Variants in SLC5A3 observed in about 807,000 individuals in gnomAD.
SLC5A3 encodes solute carrier family 5 member 3, also known as sodium/myo-inositol cotransporter.
In SLC5A3, 10 loss-of-function variants were observed where a neutral mutation model predicts 43.2. The ratio of observed to expected loss-of-function variants is 0.23; its 90% CI spans 0.14 to 0.39. The LOEUF (loss-of-function observed/expected upper bound fraction) is 0.39, where lower values mean the gene tolerates loss of function less well. SLC5A3 is among the 10% of genes least tolerant of loss of function. The pLI is 1.00. For missense variants in SLC5A3, 608 were observed against 893.4 expected (o/e 0.68, Z 4.07); for synonymous variants, 349 against 322.0 (o/e 1.08, Z -0.90).
rs1311493995 is a variant in SLC5A3 at position 34,104,401 on chromosome 21, A to AGAAT, written c.*7056_*7059dup. ...TCACCTCCGAGTAGCTTGTTTATCAAGAATGAATGAATGTCTTTGTCTTAA... is the reference window on the plus strand; with the variant it reads ...TCACCTCCGAGTAGCTTGTTTATCAAGAATGAATGAATGAATGTCTTTGTCTTAA... On this transcript the variant is annotated 3_prime_UTR_variant, in exon 2 of 2. Transcript: ENST00000381151. 7.0e-6 allele frequency: 7 copies of AGAAT among 1,000,104 alleles called. No individual in the cohort carries two copies. The highest frequency in any genetic ancestry group is 1.2e-4 in the Admixed American group (2 of 16,248). The allele number at this position is 1,000,104 out of a possible 1,614,324, so 62.0% of individuals were successfully genotyped here.
chr21:34,102,876 T>C lies in SLC5A3; in HGVS notation c.*5521T>C, dbSNP rs1021851681. The C allele has an allele frequency of 3.0e-6, 3 of 999,758 alleles. No homozygotes were observed. Among genetic ancestry groups the C allele is most frequent in the African/African-American group, 3.5e-5 (2 of 57,232 alleles). The allele number at this position is 999,758 out of a possible 1,614,324, so 61.9% of individuals were successfully genotyped here. A position where few individuals can be genotyped will look rare whatever the true frequency, so the allele number is the denominator to read the frequency against. ...GCTCTATCAATAAGAGGAATACATA[T>C]TACAGTGAATTCGACAACCGCACAA... is the stretch of plus-strand genomic sequence containing the variant. On this transcript the variant is annotated 3_prime_UTR_variant, in exon 2 of 2. Coordinates refer to ENST00000381151, the MANE Select transcript of SLC5A3 (RefSeq NM_006933.7).
Position 34,098,901 on chromosome 21 carries a change from CTG to C in SLC5A3, c.*1547_*1548del. The C allele has an allele frequency of 2.0e-6, 2 of 997,044 alleles. No individual in the cohort carries two copies. The highest frequency in any genetic ancestry group is 2.4e-6 in the Non-Finnish European group (2 of 827,060). The allele number at this position is 997,044 out of a possible 1,614,324, so 61.8% of individuals were successfully genotyped here. A position where few individuals can be genotyped will look rare whatever the true frequency, so the allele number is the denominator to read the frequency against. On this transcript the variant is annotated 3_prime_UTR_variant, in exon 2 of 2. Transcript: ENST00000381151. ...TACTTTCTTTGACCTTCTTTAATCT[CTG>C]ATACTTTTTAGATTGCATGATTTTA...
At chr21:34,082,349 G>A (rs574118855) in intron 1 of SLC5A3, among the ~76,000 whole-genome samples, 8 of 152,210 alleles carry the variant, frequency 5.3e-5, no homozygotes, top group African/African-American at 1.9e-4. Context: ...TATACATGTA[G>A]GCTTCAGAGC....
chr21:34,097,275 C>A lies in SLC5A3; in HGVS notation c.2077C>A (p.Gln693Lys), dbSNP rs369745240. The change falls in exon 2 of 2, where the codon CAA becomes AAA. Residue 693 changes from glutamine (Q) to lysine (K), a missense_variant. By Grantham distance (53) the Gln-to-Lys change is moderately conservative. Coordinates refer to ENST00000381151, the MANE Select transcript of SLC5A3 (RefSeq NM_006933.7). ...TTTACAGATGCTAGAAGAGACTCGG[C>A]AAGTTAAAGTAATACTAAATATTGG... ...VCLQMLEETR[Q>K]VKVILNIGLF... 9 of 1,613,674 alleles carry A rather than the reference C, an allele frequency of 5.6e-6. No individual in the cohort carries two copies. Among genetic ancestry groups the A allele is most frequent in the Non-Finnish European group, 7.6e-6 (9 of 1,179,846 alleles).
chr21:34,088,621 A>C (rs1978518968), intron 1 of SLC5A3, among the ~76,000 whole-genome samples: 1 of 152,192 alleles, frequency 6.6e-6, no homozygotes, highest in African/African-American at 2.4e-5. Flanking sequence ...TGTCCTTTTC[A>C]CTGAAGGTAG....
chr21:34,103,315 T>G lies in SLC5A3; in HGVS notation c.*5960T>G. On this transcript the variant is annotated 3_prime_UTR_variant, in exon 2 of 2. Coordinates refer to ENST00000381151, the MANE Select transcript of SLC5A3 (RefSeq NM_006933.7). The stretch of plus-strand genomic sequence containing the variant: ...ATTTTGTCGTAACTAGTGAAGGAAG[T>G]AAAAAAAAAAAAAAAACATGCATTA... 3 of 911,356 alleles carry G rather than the reference T, an allele frequency of 3.3e-6. No individual in the cohort carries two copies. 56.5% of individuals were successfully genotyped at this position (911,356 alleles called of 1,614,324 possible).
chr21:34,103,042 A>G lies in SLC5A3; in HGVS notation c.*5687A>G. 1.0e-6 allele frequency: 1 copy of G among 999,992 alleles called. No homozygotes were observed. Among genetic ancestry groups the G allele is most frequent in the Non-Finnish European group, 1.2e-6 (1 of 829,790 alleles). 61.9% of individuals were successfully genotyped at this position (999,992 alleles called of 1,614,324 possible). A position where few individuals can be genotyped will look rare whatever the true frequency, so the allele number is the denominator to read the frequency against. On this transcript the variant is annotated 3_prime_UTR_variant, in exon 2 of 2. Coordinates refer to ENST00000381151, the MANE Select transcript of SLC5A3 (RefSeq NM_006933.7). ...AGTTTTCAATTTATCAACATAGCCTAGACTTCTGTAAGTGGAATGTTCATT... is the reference window on the plus strand; with the variant it reads ...AGTTTTCAATTTATCAACATAGCCTGGACTTCTGTAAGTGGAATGTTCATT...
At chr21:34,083,963 C>A (rs1032104804) in intron 1 of SLC5A3, among the ~76,000 whole-genome samples, 1 of 152,170 alleles carries the variant, frequency 6.6e-6, no homozygotes, top group Admixed American at 6.5e-5. Context: ...ATTTTTCTAT[C>A]CCTCTACTTG....
Position 34,100,489 on chromosome 21 carries a change from G to T in SLC5A3, c.*3134G>T. On this transcript the variant is annotated 3_prime_UTR_variant, in exon 2 of 2. Coordinates refer to ENST00000381151, the MANE Select transcript of SLC5A3 (RefSeq NM_006933.7). ...AATAGCAATGGTGCTGTGTCCTTCGGCCTAAATTCAATAGATCTCATCTCC... is the reference window on the plus strand; with the variant it reads ...AATAGCAATGGTGCTGTGTCCTTCGTCCTAAATTCAATAGATCTCATCTCC... The T allele has an allele frequency of 1.0e-6, 1 of 1,000,156 alleles. No individual in the cohort carries two copies. Among genetic ancestry groups the T allele is most frequent in the Non-Finnish European group, 1.2e-6 (1 of 829,948 alleles). 62.0% of individuals were successfully genotyped at this position (1,000,156 alleles called of 1,614,324 possible).
intron 1 of SLC5A3, among the ~76,000 whole-genome samples, chr21:34,081,219 G>T (rs1329938304): frequency 6.6e-6 from 1 of 152,024 alleles, no homozygotes; most frequent in Non-Finnish European, 1.5e-5. Context: ...GGAAATTGTA[G>T]ATAATGCCAT....
chr21:34,105,100 T>C lies in SLC5A3; in HGVS notation c.*7745T>C, dbSNP rs1255552200. On this transcript the variant is annotated 3_prime_UTR_variant, in exon 2 of 2. Coordinates refer to ENST00000381151, the MANE Select transcript of SLC5A3 (RefSeq NM_006933.7). ...AATGCAAAAGCTTTATTTTTTTTAA[T>C]AATGCCATACTCCATTAGTGTCAGA... 2.0e-6 allele frequency: 2 copies of C among 1,000,098 alleles called. No homozygotes were observed. The highest frequency in any genetic ancestry group is 1.2e-4 in the Admixed American group (2 of 16,264). The allele number at this position is 1,000,098 out of a possible 1,614,324, so 62.0% of individuals were successfully genotyped here. A position where few individuals can be genotyped will look rare whatever the true frequency, so the allele number is the denominator to read the frequency against.
chr21:34,095,787 C>G lies in SLC5A3; in HGVS notation c.589C>G (p.Leu197Val), dbSNP rs1978937993. The G allele has an allele frequency of 1.2e-6, 2 of 1,613,872 alleles. No individual in the cohort carries two copies. Among genetic ancestry groups the G allele is most frequent in the Non-Finnish European group, 1.7e-6 (2 of 1,179,966 alleles). The change falls in exon 2 of 2, where the codon CTT becomes GTT. Residue 197 changes from leucine (L) to valine (V), a missense_variant. By Grantham distance (32) the Leu-to-Val change is conservative (BLOSUM62 1). Transcript: ENST00000381151. ...LQALLMIIGA[L>V]TLMIISIMEI... Reference sequence around the variant, plus strand: ...GGCTCTGCTCATGATCATTGGGGCACTTACACTTATGATTATTAGCATAAT... The same window carrying G: ...GGCTCTGCTCATGATCATTGGGGCAGTTACACTTATGATTATTAGCATAAT...
At position 34,096,416 on chromosome 21, in the gene SLC5A3, G is replaced by GT; in HGVS notation, c.1220dup (p.Leu407PhefsTer61). On this transcript the variant is annotated frameshift_variant, in exon 2 of 2. Transcript: ENST00000381151. LOFTEE classifies it high-confidence loss of function. This position sits in a 1 kb window ranked among gnomAD's most constrained non-coding sequence, Gnocchi z 5.9. ...TCCGCAAGAGCGCAAGCTCCCGGGA[G>GT]TTAATGATTGTGGGGAGGATATTTG... 6.2e-7 allele frequency: 1 copy of GT among 1,614,226 alleles called. No homozygotes were observed. Among genetic ancestry groups the GT allele is most frequent in the Non-Finnish European group, 8.5e-7 (1 of 1,180,028 alleles).
intron 1 of SLC5A3, among the ~76,000 whole-genome samples, chr21:34,079,697 C>G (rs1333914712): frequency 7.3e-6 from 1 of 137,114 alleles, no homozygotes; most frequent in Non-Finnish European, 1.5e-5. Flanking sequence ...GATCTGCCCG[C>G]TTTGGTCTCC....
In SLC5A3 at chr21:34,101,429, T is replaced by C. The variant is rs1444103129; in HGVS notation, c.*4074T>C. On this transcript the variant is annotated 3_prime_UTR_variant, in exon 2 of 2. Coordinates refer to ENST00000381151, the MANE Select transcript of SLC5A3 (RefSeq NM_006933.7). ...CTTTGAGGCTTCAGTATTTGTAAGA[T>C]TTTGCATTAGCCAGATGCTAGGTTG... 1.0e-6 allele frequency: 1 copy of C among 1,000,048 alleles called. No homozygotes were observed. The highest frequency in any genetic ancestry group is 1.7e-5 in the African/African-American group (1 of 57,234). The allele number at this position is 1,000,048 out of a possible 1,614,324, so 61.9% of individuals were successfully genotyped here. A position where few individuals can be genotyped will look rare whatever the true frequency, so the allele number is the denominator to read the frequency against.
At position 34,099,332 on chromosome 21, in the gene SLC5A3, C is replaced by T; in HGVS notation, c.*1977C>T. Reference sequence around the variant, plus strand: ...TTTGGGAAGAACAGAAACCAGGTCTCCAAATCTGGACTCATGGTTTGTTCA... The same window carrying T: ...TTTGGGAAGAACAGAAACCAGGTCTTCAAATCTGGACTCATGGTTTGTTCA... On this transcript the variant is annotated 3_prime_UTR_variant, in exon 2 of 2. Transcript: ENST00000381151. 1 of 1,000,168 alleles carries T rather than the reference C, an allele frequency of 1.0e-6. No individual in the cohort carries two copies. The highest frequency in any genetic ancestry group is 1.2e-6 in the Non-Finnish European group (1 of 829,974). 62.0% of individuals were successfully genotyped at this position (1,000,168 alleles called of 1,614,324 possible).
In SLC5A3 at chr21:34,095,509, C is replaced by T; in HGVS notation, c.311C>T (p.Ser104Leu). 6.2e-7 allele frequency: 1 copy of T among 1,614,028 alleles called. No homozygotes were observed. Among genetic ancestry groups the T allele is most frequent in the Non-Finnish European group, 8.5e-7 (1 of 1,179,998 alleles). Residue 104 changes from serine to leucine, a missense_variant, in exon 2 of 2, where the codon TCA becomes TTA. By Grantham distance (145) the Ser-to-Leu change is moderately radical. Coordinates refer to ENST00000381151, the MANE Select transcript of SLC5A3 (RefSeq NM_006933.7). ...GTTTTCATCCCAATTTACATCCGGT[C>T]AGGGGTATATACCATGCCTGAATAC... Reference protein sequence around the residue: ...GWVFIPIYIRSGVYTMPEYLS... With the variant: ...GWVFIPIYIRLGVYTMPEYLS...
chr21:34,083,997 A>G (rs1989516226), intron 1 of SLC5A3, among the ~76,000 whole-genome samples: 1 of 152,198 alleles, frequency 6.6e-6, no homozygotes, highest in Non-Finnish European at 1.5e-5. Flanking sequence ...ATGCAAGAGG[A>G]AAATCCAGCT....
At chr21:34,081,995 C>T (rs1381226548) in intron 1 of SLC5A3, among the ~76,000 whole-genome samples, 3 of 151,386 alleles carry the variant, frequency 2.0e-5, no homozygotes, top group African/African-American at 7.3e-5. Flanking sequence ...CTGGTTTTGC[C>T]AGCTTTTTTT....
Sources: allele counts gnomAD v4.1 joint callset (sites outside exome capture counted in the v4.1 genomes callset), GRCh38; gene constraint gnomAD v4.1.1; non-coding constraint Gnocchi (gnomAD v3.1); transcripts MANE v1.5; gene names NCBI Gene and HGNC (gene_info 2026-07-23, HGNC 2026-07-21).